The following RGS20 variants were observed in gnomAD, a reference collection of about 807,000 sequenced individuals.
RGS20 encodes gz-selective GTPase-activating protein.
Under a neutral mutation model 33.6 loss-of-function variants are expected in RGS20, and 30 were observed. The ratio of observed to expected loss-of-function variants is 0.89; its 90% CI spans 0.67 to 1.21. The LOEUF (loss-of-function observed/expected upper bound fraction) is 1.21, where lower values mean the gene tolerates loss of function less well. RGS20 is among the 50% of genes most tolerant of loss of function. The pLI, the probability that RGS20 is intolerant of heterozygous loss-of-function variation, is 0.00. For synonymous variants in RGS20, 208 were observed against 197.9 expected (o/e 1.05, Z -0.43); for missense variants, 472 against 502.4 (o/e 0.94, Z 0.58).
At position 53,939,619 on chromosome 8, in the gene RGS20, C is replaced by A. The variant is rs998171987; in HGVS notation, c.554C>A (p.Pro185His). 2.1e-5 allele frequency: 33 copies of A among 1,604,594 alleles called. No homozygotes were observed. The Middle Eastern group carries it at 1.2e-3, about 56-fold the overall frequency. ...ATGGAGATGCGGAAGCGGCAGATGC[C>A]CGCCGCCCAGGACACACCAGGCGCC... Residue 185 changes from proline to histidine, a missense_variant, in exon 3 of 6, where the codon CCC becomes CAC. This residue lies in a region of RGS20 where 319 missense variants were observed against 283.4 expected (regional missense o/e 1.13). Transcript: ENST00000297313.
intron 2 of RGS20, among the ~76,000 whole-genome samples, chr8:53,928,503 G>A (rs1396957204): frequency 4.6e-5 from 7 of 152,116 alleles, no homozygotes; most frequent in Admixed American, 2.0e-4. Flanking sequence ...CTTAATAACA[G>A]TCTCTTCTAA....
chr8:53,932,724 C>T (rs966231180), intron 2 of RGS20, among the ~76,000 whole-genome samples: 10 of 152,186 alleles, frequency 6.6e-5, no homozygotes, highest in Non-Finnish European at 1.5e-4. Flanking sequence ...TACTGCCTGG[C>T]GGCTGTGAAG....
chr8:53,938,740 C>A (rs544612745), intron 2 of RGS20, among the ~76,000 whole-genome samples: 4 of 152,268 alleles, frequency 2.6e-5, no homozygotes, highest in Admixed American at 1.3e-4. Flanking sequence ...TAGTATCCAA[C>A]GTAAAATGGG....
At chr8:53,881,070 G>T (rs1011528697) in intron 2 of RGS20, 12 of 1,548,198 alleles carry the variant, frequency 7.8e-6, no homozygotes, top group Non-Finnish European at 1.0e-5. Context: ...GGCCGGCAGG[G>T]TGGACGGTGG....
intron 2 of RGS20, among the ~76,000 whole-genome samples, chr8:53,909,196 T>A (rs1367514986): frequency 8.0e-6 from 1 of 124,626 alleles, no homozygotes; most frequent in Non-Finnish European, 1.6e-5. Context: ...CTATTATCCA[T>A]TATGGTATGT....
At chr8:53,881,222 G>A (rs1453131806) in intron 2 of RGS20, 138 bp downstream of exon 1, 9 of 616,416 alleles carry the variant, frequency 1.5e-5, no homozygotes, top group Non-Finnish European at 2.0e-5. Flanking sequence ...CGGGGCGGGA[G>A]CCGGTGCGAG....
chr8:53,955,488 T>C (rs547485011), intron 5 of RGS20, among the ~76,000 whole-genome samples: 1 of 152,272 alleles, frequency 6.6e-6, no homozygotes, highest in East Asian at 1.9e-4. Flanking sequence ...ATGAATGAGA[T>C]TGGGCAAGTT....
At chr8:53,874,738 T>G (rs780852078) in intron 1 of RGS20, among the ~76,000 whole-genome samples, 4 of 152,220 alleles carry the variant, frequency 2.6e-5, no homozygotes, top group Non-Finnish European at 4.4e-5. Context: ...AATTTCTGCC[T>G]TACATGGCAT....
At chr8:53,932,530 G>C (rs1814001958) in intron 2 of RGS20, among the ~76,000 whole-genome samples, 1 of 152,162 alleles carries the variant, frequency 6.6e-6, no homozygotes. Flanking sequence ...GAACTAGGAG[G>C]AGCACACTGC....
intron 2 of RGS20, among the ~76,000 whole-genome samples, chr8:53,921,661 C>T (rs1032729413): frequency 9.9e-5 from 15 of 151,844 alleles, no homozygotes; most frequent in African/African-American, 3.6e-4. Context: ...ATTCCATTAT[C>T]GTTCTTTTTA....
chr8:53,919,612 A>T, intron 2 of RGS20, among the ~76,000 whole-genome samples: 1 of 144,778 alleles, frequency 6.9e-6, no homozygotes, highest in African/African-American at 2.5e-5. Context: ...TTTTTTTGAG[A>T]CAGTCTTGCC....
At chr8:53,898,227 T>G (rs1026893763) in intron 2 of RGS20, among the ~76,000 whole-genome samples, 1 of 152,112 alleles carries the variant, frequency 6.6e-6, no homozygotes, top group East Asian at 1.9e-4. Flanking sequence ...CACTGTTAAT[T>G]TGGAGAATGT....
intron 4 of RGS20, among the ~76,000 whole-genome samples, chr8:53,947,050 A>C (rs1814502949): frequency 6.8e-6 from 1 of 147,740 alleles, no homozygotes; most frequent in African/African-American, 2.5e-5. Context: ...TAAAAATAAA[A>C]GTATATCATA....
chr8:53,909,396 C>G (rs940411240), intron 2 of RGS20, among the ~76,000 whole-genome samples: 7 of 151,142 alleles, frequency 4.6e-5, no homozygotes, highest in African/African-American at 1.7e-4. Context: ...ACTATAGGCC[C>G]GCACCACCAT....
intron 2 of RGS20, among the ~76,000 whole-genome samples, chr8:53,938,548 A>G (rs1181822224): frequency 6.6e-6 from 1 of 152,252 alleles, no homozygotes; most frequent in Non-Finnish European, 1.5e-5. Flanking sequence ...AATTTAAAAA[A>G]TAAAAATAAA....
rs145207935 is a variant in RGS20, at chr8:53,854,501, T to C, written c.165+2437T>C. 9.4e-3 allele frequency among the ~76,000 whole-genome samples: 1,418 copies of C among 151,304 alleles called. 19 individuals carry two copies. Among genetic ancestry groups the C allele is most frequent in the African/African-American group, 0.032 (1,314 of 41,258 alleles). On this transcript the variant is annotated intron_variant, in intron 1 of 5. Transcript: ENST00000297313. ...GTCAACATTGTTAGCCACTAGGAGA[T>C]GCAAATTAAAGTCACAGTGAAATAT... is the stretch of plus-strand genomic sequence containing the variant.
At position 53,879,580 on chromosome 8, in the gene RGS20, C is replaced by G. The variant is rs1404073565; in HGVS notation, c.488C>G (p.Ala163Gly). Residue 163 changes from alanine to glycine, a missense_variant, in exon 2 of 6, where the codon GCT becomes GGT. Ala to Gly is a moderately conservative substitution (Grantham distance 60). Coordinates refer to ENST00000297313, the MANE Select transcript of RGS20 (RefSeq NM_170587.4). Reference sequence around the variant, plus strand: ...AAGCCCAGGGAAGAAGACGCCACCGCTGGGCAGAGCTCGCCTATGCCGGTG... The same window carrying G: ...AAGCCCAGGGAAGAAGACGCCACCGGTGGGCAGAGCTCGCCTATGCCGGTG... 1.3e-6 allele frequency: 2 copies of G among 1,525,640 alleles called. No individual in the cohort carries two copies. The highest frequency in any genetic ancestry group is 2.5e-5 in the East Asian group (1 of 40,102). 94.5% of individuals were successfully genotyped at this position (1,525,640 alleles called of 1,614,324 possible). A position where few individuals can be genotyped will look rare whatever the true frequency, so the allele number is the denominator to read the frequency against.
chr8:53,888,636 G>C (rs923672251), intron 2 of RGS20, among the ~76,000 whole-genome samples: 1 of 151,964 alleles, frequency 6.6e-6, no homozygotes, highest in Non-Finnish European at 1.5e-5. Context: ...GCGTCCTCTG[G>C]GGCCAAAATC....
At chr8:53,927,849 C>T (rs539053508) in intron 2 of RGS20, among the ~76,000 whole-genome samples, 4 of 152,226 alleles carry the variant, frequency 2.6e-5, no homozygotes, top group Non-Finnish European at 4.4e-5. Flanking sequence ...GATCCTATAC[C>T]GATGTCTGAA....
Sources: allele counts gnomAD v4.1 joint callset (sites outside exome capture counted in the v4.1 genomes callset), GRCh38; gene constraint gnomAD v4.1.1; regional missense constraint gnomAD v4.1.1; transcripts MANE v1.5; gene names NCBI Gene and HGNC (gene_info 2026-07-23, HGNC 2026-07-21).